The following IGF2R variants were observed in gnomAD, a reference collection of about 807,000 sequenced individuals.
IGF2R encodes the protein insulin like growth factor 2 receptor, also known as cation-independent mannose-6-phosphate receptor.
IGF2R carries 91 observed loss-of-function variants against 270.6 expected under a neutral mutation model. The observed-to-expected ratio is 0.34, with a 90% CI of 0.28 to 0.40. The LOEUF (loss-of-function observed/expected upper bound fraction) is 0.40, where lower values mean the gene tolerates loss of function less well. Ranked by LOEUF, IGF2R falls within the 10% of genes least tolerant of loss-of-function variation. The pLI, the probability that IGF2R is intolerant of heterozygous loss-of-function variation, is 1.00. For synonymous variants in IGF2R, 1,316 were observed against 1,258.9 expected, an observed-to-expected ratio of 1.05 and a Z score of -0.96; for missense variants, 2,805 against 3,188.3, an observed-to-expected ratio of 0.88 and a Z score of 2.90.
At chr6:159,975,456 CG>C (rs1376900257) in intron 1 of IGF2R, among the ~76,000 whole-genome samples, 1 of 151,842 alleles carries the variant, frequency 6.6e-6, no homozygotes, top group Admixed American at 6.6e-5. Context: ...TTTCTTCTCC[CG>C]GGTATAGGGT....
At position 160,096,375 on chromosome 6, in the gene IGF2R, C is replaced by CTA. The variant is rs199572093; in HGVS notation, c.6656-63_6656-62dup. On this transcript the variant is annotated intron_variant, in intron 44 of 47. Coordinates refer to ENST00000356956, the MANE Select transcript of IGF2R (RefSeq NM_000876.4). ...TGCAAACTTTTTAGACCGTAAGGAG[C>CTA]TAAGCTCAGTCTGCTCGTGAAAAAT... The CTA allele has an allele frequency of 5.5e-5, 81 of 1,471,982 alleles. No homozygotes were observed. The East Asian group carries it at 1.7e-3, about 31-fold the overall frequency. The allele number at this position is 1,471,982 out of a possible 1,614,324, so 91.2% of individuals were successfully genotyped here.
chr6:159,998,302 C>G lies in IGF2R; in HGVS notation c.289+6979C>G, dbSNP rs1041261573. 4.6e-5 allele frequency among the ~76,000 whole-genome samples: 7 copies of G among 152,226 alleles called. No homozygotes were observed. The East Asian group carries it at 5.8e-4, about 13-fold the overall frequency. ...AGTATGGTATGGTATAGTGTAATAC[C>G]ACATAGACTGATGCCAGATGGAGGC... On this transcript the variant is annotated intron_variant, in intron 2 of 47. Transcript: ENST00000356956. This position sits in a 1 kb window ranked among gnomAD's most constrained non-coding sequence, Gnocchi z 4.1.
At chr6:160,020,139 A>G (rs966410958) in intron 4 of IGF2R, among the ~76,000 whole-genome samples, 1 of 152,168 alleles carries the variant, frequency 6.6e-6, no homozygotes, top group Non-Finnish European at 1.5e-5. Flanking sequence ...ACAAGAATCA[A>G]TAACATTTCT....
At chr6:160,042,950 A>T (rs892875916) in intron 11 of IGF2R, among the ~76,000 whole-genome samples, 198 bp from the exon 12 acceptor site, 3 of 151,998 alleles carry the variant, frequency 2.0e-5, no homozygotes, top group African/African-American at 7.2e-5. Context: ...TTTCTGTCAC[A>T]TTAAATGAGA....
At chr6:160,064,314 A>G in intron 27 of IGF2R, 87 bp from the exon 28 acceptor site, 2 of 1,442,274 alleles carry the variant, frequency 1.4e-6, no homozygotes, top group Non-Finnish European at 2.0e-6. Context: ...CACACTCTTC[A>G]GGGTGTGTGG....
Position 160,047,829 on chromosome 6 carries a change from C to CCAGCTAA in IGF2R, c.2273_2274insACAGCTA (p.Tyr758Ter). The CCAGCTAA allele has an allele frequency of 6.2e-7, 1 of 1,614,082 alleles. No individual in the cohort carries two copies. Among genetic ancestry groups the CCAGCTAA allele is most frequent in the Non-Finnish European group, 8.5e-7 (1 of 1,179,904 alleles). On this transcript the variant is annotated stop_gained and frameshift_variant, in exon 17 of 48. Transcript: ENST00000356956. LOFTEE classifies it high-confidence loss of function. ...TCCACCTACAACTTCCGGTGGTACA[C>CCAGCTAA]CAGCTATGCCTGCCCGGAGGAGCCC...
chr6:160,017,629 A>C (rs1355491316), intron 4 of IGF2R, among the ~76,000 whole-genome samples: 2 of 152,170 alleles, frequency 1.3e-5, no homozygotes, highest in Non-Finnish European at 2.9e-5. Context: ...ATCACCTATA[A>C]AGAAAATCCC....
rs760458051 is a variant in IGF2R at position 160,068,328 on chromosome 6, G to A, written c.4195G>A (p.Asp1399Asn). ...DNWEAITGTG[D>N]PEHYLINVCK... ...CTGGGAAGCCATCACTGGGACGGGGGACCCGGAGCACTACCTCATCAATGT... is the reference window on the plus strand; with the variant it reads ...CTGGGAAGCCATCACTGGGACGGGGAACCCGGAGCACTACCTCATCAATGT... Residue 1399 changes from aspartate to asparagine, a missense_variant, in exon 30 of 48, where the codon GAC becomes AAC. Around this residue, in one of 2 missense-constraint regions of IGF2R, gnomAD observed 1,851 missense variants for 2,207.2 expected, o/e 0.84. Coordinates refer to ENST00000356956, the MANE Select transcript of IGF2R (RefSeq NM_000876.4). 1 of 1,614,264 alleles carries A rather than the reference G, an allele frequency of 6.2e-7. No individual in the cohort carries two copies. Among genetic ancestry groups the A allele is most frequent in the Non-Finnish European group, 8.5e-7 (1 of 1,180,052 alleles).
At chr6:159,980,485 G>A (rs1783782661) in intron 1 of IGF2R, among the ~76,000 whole-genome samples, 1 of 152,202 alleles carries the variant, frequency 6.6e-6, no homozygotes, top group Non-Finnish European at 1.5e-5. Flanking sequence ...TTCTGAGTCT[G>A]TAAGAAGGTG....
At chr6:160,101,087 C>T (rs780907085) in intron 45 of IGF2R, among the ~76,000 whole-genome samples, 8 of 150,380 alleles carry the variant, frequency 5.3e-5, no homozygotes, top group Non-Finnish European at 7.4e-5. Context: ...CCACTGTGCT[C>T]GGCCTAAGTC....
At chr6:159,987,958 A>G (rs910908695) in intron 1 of IGF2R, among the ~76,000 whole-genome samples, 1 of 152,204 alleles carries the variant, frequency 6.6e-6, no homozygotes, top group Non-Finnish European at 1.5e-5. Flanking sequence ...CAGTGTTTCA[A>G]GTATTTTAAT....
Position 160,043,143 on chromosome 6 carries a change from T to A in IGF2R, c.1481-5T>A, listed in dbSNP as rs1368218553. ...TGGCTAAAATACACTTTTGTTTTGTTACAGAACCAGAGCAGAATTGGGAAG... is the reference window on the plus strand; with the variant it reads ...TGGCTAAAATACACTTTTGTTTTGTAACAGAACCAGAGCAGAATTGGGAAG... On this transcript the variant is annotated splice_polypyrimidine_tract_variant and splice_region_variant and intron_variant, in intron 11 of 47. Transcript: ENST00000356956. 6.2e-6 allele frequency: 10 copies of A among 1,613,888 alleles called. No homozygotes were observed. The highest frequency in any genetic ancestry group is 8.5e-6 in the Non-Finnish European group (10 of 1,179,878).
chr6:159,981,421 T>C (rs776378800), intron 1 of IGF2R, among the ~76,000 whole-genome samples: 10 of 152,318 alleles, frequency 6.6e-5, no homozygotes, highest in African/African-American at 9.6e-5. Context: ...GACAGGGGCC[T>C]GCCCGTCTCT....
At position 160,110,491 on chromosome 6, in the gene IGF2R, T is replaced by G. The variant is rs886916365; in HGVS notation, c.*5407T>G. 1.3e-5 allele frequency: 2 copies of G among 152,216 alleles called. No individual in the cohort carries two copies. Among genetic ancestry groups the G allele is most frequent in the Non-Finnish European group, 2.9e-5 (2 of 68,040 alleles). 9.4% of individuals were successfully genotyped at this position (152,216 alleles called of 1,614,324 possible). On this transcript the variant is annotated 3_prime_UTR_variant, in exon 48 of 48. Transcript: ENST00000356956. The stretch of plus-strand genomic sequence containing the variant: ...TGTCCACCTTTGGTGAGAATGTAAA[T>G]TGGTATAGCCATTATGGAAAACAGG...
At chr6:159,980,002 A>G (rs887243361) in intron 1 of IGF2R, among the ~76,000 whole-genome samples, 2 of 151,900 alleles carry the variant, frequency 1.3e-5, no homozygotes, top group Middle Eastern at 6.8e-3. Flanking sequence ...CCACGGTGAA[A>G]CCCTGTCTCT....
chr6:159,979,789 G>T (rs960646081), intron 1 of IGF2R, among the ~76,000 whole-genome samples: 1 of 152,160 alleles, frequency 6.6e-6, no homozygotes, highest in African/African-American at 2.4e-5. Flanking sequence ...GGAGGGAGGG[G>T]CCAGAGAGCA....
At position 160,058,152 on chromosome 6, in the gene IGF2R, T is replaced by G. The variant is rs768843878; in HGVS notation, c.2898+28T>G. On this transcript the variant is annotated intron_variant, in intron 21 of 47. Coordinates refer to ENST00000356956, the MANE Select transcript of IGF2R (RefSeq NM_000876.4). ...AAGAGCGATATGATGCATTTCCAGT[T>G]TGCTTTGAAACAGGGGGAGAGTGCA... 10 of 1,491,810 alleles carry G rather than the reference T, an allele frequency of 6.7e-6. No individual in the cohort carries two copies. The South Asian group carries it at 1.1e-4, about 17-fold the overall frequency. The allele number at this position is 1,491,810 out of a possible 1,614,324, so 92.4% of individuals were successfully genotyped here.
At chr6:160,069,271 A>G (rs926365962) in intron 30 of IGF2R, among the ~76,000 whole-genome samples, 3 of 152,178 alleles carry the variant, frequency 2.0e-5, no homozygotes, top group African/African-American at 7.2e-5. Context: ...AGTTTCATAC[A>G]GCCCCACCTG....
intron 38 of IGF2R, 38 bp downstream of exon 38, chr6:160,079,825 A>C (rs1404985380): frequency 3.4e-5 from 49 of 1,432,354 alleles, no homozygotes; most frequent in Middle Eastern, 1.9e-4. Flanking sequence ...CTTCAAGCTC[A>C]TAGTAAACTA....
Sources: gnomAD v4.1 joint callset for allele counts (sites outside exome capture counted in the v4.1 genomes callset) on GRCh38, gnomAD v4.1.1 for gene constraint, gnomAD v4.1.1 regional missense constraint, Gnocchi (gnomAD v3.1) non-coding constraint, MANE v1.5 for transcripts, NCBI Gene and HGNC (gene_info 2026-07-23, HGNC 2026-07-21) for gene names.